Variants in STRN observed in about 807,000 individuals in gnomAD.
STRN encodes the protein striatin.
A neutral mutation model predicts 96.3 loss-of-function variants in STRN; 53 were observed. The ratio of observed to expected loss-of-function variants is 0.55; its 90% confidence interval spans 0.44 to 0.69. The LOEUF is 0.69. Ranked by LOEUF, STRN falls within the 30% of genes least tolerant of loss-of-function variation. The probability of loss-of-function intolerance (pLI) is 0.00; values close to 1 mark genes in which losing one functional copy is unlikely to be tolerated. For synonymous variants in STRN, 428 were observed against 355.9 expected, an observed-to-expected ratio of 1.20 and a Z score of -2.28; for missense variants, 987 against 963.9, an observed-to-expected ratio of 1.02 and a Z score of -0.32.
At chr2:36,935,266 G>T (rs1205823189) in intron 1 of STRN, among the ~76,000 whole-genome samples, 1 of 151,988 alleles carries the variant, frequency 6.6e-6, no homozygotes, top group Admixed American at 6.6e-5. Flanking sequence ...ACACACCACA[G>T]TAATCCCTTC....
Position 36,847,399 on chromosome 2 carries a change from T to G in STRN, c.*2057A>C, listed in dbSNP as rs142483099. On this transcript the variant is annotated 3_prime_UTR_variant, in exon 18 of 18. Coordinates refer to ENST00000263918, the MANE Select transcript of STRN (RefSeq NM_003162.4). ...AATGGCATCTTCCTTCCTTCCTTCC[T>G]GGAAGGAATTTTCCAGTATCCTTCT... is the stretch of plus-strand genomic sequence containing the variant. 6.6e-6 allele frequency: 1 copy of G among 152,152 alleles called. No individual in the cohort carries two copies. The highest frequency in any genetic ancestry group is 2.4e-5 in the African/African-American group (1 of 41,444). 9.4% of individuals were successfully genotyped at this position (152,152 alleles called of 1,614,324 possible).
At chr2:36,921,865 A>T (rs11892892) in intron 2 of STRN, among the ~76,000 whole-genome samples, 9,070 of 152,222 alleles carry the variant, frequency 0.06, 900 homozygotes, top group African/African-American at 0.21. Context: ...AAAACTTTCA[A>T]GTGCTTAACA....
At chr2:36,930,728 G>C (rs1159927455) in intron 1 of STRN, among the ~76,000 whole-genome samples, 1 of 151,888 alleles carries the variant, frequency 6.6e-6, no homozygotes, top group African/African-American at 2.4e-5. Context: ...CTGTTAAGGA[G>C]CAAGGAAAAG....
At chr2:36,897,736 C>G (rs888683839) in intron 6 of STRN, among the ~76,000 whole-genome samples, 4 of 151,864 alleles carry the variant, frequency 2.6e-5, no homozygotes, top group African/African-American at 9.7e-5. Flanking sequence ...CGTACCCAGC[C>G]AAAACTAAAA....
chr2:36,868,365 T>C (rs911144540), intron 11 of STRN, among the ~76,000 whole-genome samples: 2 of 152,222 alleles, frequency 1.3e-5, no homozygotes, highest in African/African-American at 4.8e-5. Context: ...ATGGTACTTT[T>C]ATTTCCTTGC....
intron 1 of STRN, among the ~76,000 whole-genome samples, chr2:36,947,245 A>C (rs1395597615): frequency 6.6e-6 from 1 of 152,132 alleles, no homozygotes; most frequent in East Asian, 1.9e-4. Context: ...TTAACTAGGA[A>C]GGACAAGTTT....
At position 36,953,051 on chromosome 2, in the gene STRN, A is replaced by C. The variant is rs954544512; in HGVS notation, c.234+13179T>G. 2.0e-5 allele frequency among the ~76,000 whole-genome samples: 3 copies of C among 152,226 alleles called. No individual in the cohort carries two copies. The South Asian group carries it at 6.2e-4, about 31-fold the overall frequency. Reference sequence around the variant, plus strand: ...GTGTTTATTTCTCATAACTAGATATACCAGTATTGGATCTGATTTCTCTCA... The same window carrying C: ...GTGTTTATTTCTCATAACTAGATATCCCAGTATTGGATCTGATTTCTCTCA... On this transcript the variant is annotated intron_variant, in intron 1 of 17. Coordinates refer to ENST00000263918, the MANE Select transcript of STRN (RefSeq NM_003162.4).
intron 3 of STRN, among the ~76,000 whole-genome samples, chr2:36,909,373 G>A (rs879587987): frequency 8.6e-5 from 13 of 151,876 alleles, no homozygotes; most frequent in South Asian, 6.2e-4. Flanking sequence ...CGGTAATATC[G>A]AAAGTATTTG....
In STRN at chr2:36,840,907, T is replaced by C. The variant is rs917010988; in HGVS notation, c.*8549A>G. Reference sequence around the variant, plus strand: ...CAGGAGATAAACATCACATATTCCTTATTAATCTTTGTATTCCAAAAATAA... The same window carrying C: ...CAGGAGATAAACATCACATATTCCTCATTAATCTTTGTATTCCAAAAATAA... On this transcript the variant is annotated 3_prime_UTR_variant, in exon 18 of 18. Transcript: ENST00000263918. The C allele has an allele frequency of 6.6e-6, 1 of 152,176 alleles. No homozygotes were observed. Among genetic ancestry groups the C allele is most frequent in the Non-Finnish European group, 1.5e-5 (1 of 68,032 alleles). The allele number at this position is 152,176 out of a possible 1,614,324, so 9.4% of individuals were successfully genotyped here. A position where few individuals can be genotyped will look rare whatever the true frequency, so the allele number is the denominator to read the frequency against.
intron 10 of STRN, among the ~76,000 whole-genome samples, chr2:36,872,574 C>T (rs893459302): frequency 2.0e-5 from 3 of 152,222 alleles, no homozygotes; most frequent in African/African-American, 7.2e-5. Flanking sequence ...TAATTTGTTA[C>T]ATAGCCATAG....
chr2:36,895,037 T>C lies in STRN; in HGVS notation c.796-1004A>G, dbSNP rs564756948. 5.3e-5 allele frequency among the ~76,000 whole-genome samples: 8 copies of C among 152,170 alleles called. No homozygotes were observed. In the East Asian group the frequency reaches 1.3e-3, roughly 26 times the overall value. On this transcript the variant is annotated intron_variant, in intron 6 of 17. Coordinates refer to ENST00000263918, the MANE Select transcript of STRN (RefSeq NM_003162.4). ...ACTGTCCTGATACATATAAAAACTG[T>C]AAAGGAGTGGCCGGGCCCGGTGGCT... is the stretch of plus-strand genomic sequence containing the variant.
chr2:36,858,944 T>C (rs905549245), intron 13 of STRN, among the ~76,000 whole-genome samples: 1 of 152,160 alleles, frequency 6.6e-6, no homozygotes, highest in Non-Finnish European at 1.5e-5. Context: ...ACCTAGAATT[T>C]ACAGATGTTA....
chr2:36,875,621 T>C (rs1244129435), intron 10 of STRN, among the ~76,000 whole-genome samples: 2 of 144,584 alleles, frequency 1.4e-5, no homozygotes, highest in African/African-American at 5.1e-5. Context: ...AAGACAAACA[T>C]GAAATATAAG....
chr2:36,894,628 A>G (rs1387285492), intron 6 of STRN, among the ~76,000 whole-genome samples: 1 of 152,230 alleles, frequency 6.6e-6, no homozygotes, highest in African/African-American at 2.4e-5. Flanking sequence ...TAAAGAAATT[A>G]GGATGCTAGG....
At chr2:36,942,731 T>A (rs1558663167) in intron 1 of STRN, among the ~76,000 whole-genome samples, 1 of 152,156 alleles carries the variant, frequency 6.6e-6, no homozygotes, top group Non-Finnish European at 1.5e-5. Context: ...AGTCTTGCTC[T>A]GTTGCCCAGG....
chr2:36,905,442 T>A, intron 4 of STRN, 98 bp downstream of exon 4: 2 of 1,082,784 alleles, frequency 1.8e-6, no homozygotes, highest in Middle Eastern at 2.0e-4. Context: ...CTGTATGAGA[T>A]AAAATATTCA....
chr2:36,966,113 GC>G (rs1311567659), intron 1 of STRN, 116 bp downstream of exon 1: 1 of 1,230,246 alleles, frequency 8.1e-7, no homozygotes, highest in East Asian at 3.2e-5. Flanking sequence ...GGTGGGATGG[GC>G]GGCAGCAAAG....
chr2:36,901,672 C>T (rs188918767), intron 5 of STRN, among the ~76,000 whole-genome samples: 63 of 151,590 alleles, frequency 4.2e-4, no homozygotes, highest in African/African-American at 1.4e-3. Flanking sequence ...AGAGAAATAA[C>T]ATGCCTTACA....
intron 2 of STRN, among the ~76,000 whole-genome samples, chr2:36,920,404 C>T (rs1319100331): frequency 6.6e-6 from 1 of 151,876 alleles, no homozygotes; most frequent in Non-Finnish European, 1.5e-5. Context: ...TTTGGGAGGC[C>T]GAGGTGGGCA....
Sources: allele counts gnomAD v4.1 joint callset (sites outside exome capture counted in the v4.1 genomes callset), GRCh38; gene constraint gnomAD v4.1.1; transcripts MANE v1.5; gene names NCBI Gene and HGNC (gene_info 2026-07-23, HGNC 2026-07-21).